KIAA2012: variants seen among roughly 807,000 people sequenced by gnomAD.
KIAA2012 encodes the protein uncharacterized protein KIAA2012.
KIAA2012 carries 125 observed loss-of-function variants against 150.6 expected under a neutral mutation model. The ratio of observed to expected loss-of-function variants is 0.83; its 90% CI spans 0.72 to 0.96. KIAA2012 has a LOEUF of 0.96. Among genes scored for constraint, KIAA2012 ranks in the 40% least tolerant of loss-of-function variants. The probability of loss-of-function intolerance (pLI) is 0.00; values close to 1 mark genes in which losing one functional copy is unlikely to be tolerated. For missense variants in KIAA2012, 1,219 were observed against 1,354.9 expected, an observed-to-expected ratio of 0.90 and a Z score of 1.57; for synonymous variants, 462 against 504.7, an observed-to-expected ratio of 0.92 and a Z score of 1.13.
chr2:202,134,509 C>T (rs934062686), intron 12 of KIAA2012, among the ~76,000 whole-genome samples: 8 of 152,318 alleles, frequency 5.3e-5, no homozygotes, highest in Admixed American at 4.6e-4. Flanking sequence ...CATACCAAGG[C>T]AAATATGCAT....
chr2:202,132,764 A>ATAGTATATATGTATATATG (rs1559215475), intron 12 of KIAA2012, among the ~76,000 whole-genome samples: 118 of 110,680 alleles, frequency 1.1e-3, no homozygotes, highest in Admixed American at 7.6e-3. Context: ...ATGTATATAT[A>ATAGTATATATGTATATATG]TACATATATA....
At chr2:202,204,126 G>A (rs1213642651) in intron 23 of KIAA2012, among the ~76,000 whole-genome samples, 1 of 149,614 alleles carries the variant, frequency 6.7e-6, no homozygotes, top group African/African-American at 2.5e-5. Context: ...GTCCAAACTA[G>A]AGTGCAGTGG....
At chr2:202,087,998 C>CA (rs527244781) in intron 2 of KIAA2012, among the ~76,000 whole-genome samples, 18,283 of 129,694 alleles carry the variant, frequency 0.14, 1,265 homozygotes, top group African/African-American at 0.21. Flanking sequence ...CAATCCAAAC[C>CA]AAAAAAAAAA....
chr2:202,128,442 T>G (rs1395126922), intron 12 of KIAA2012, among the ~76,000 whole-genome samples: 10 of 41,748 alleles, frequency 2.4e-4, no homozygotes, highest in African/African-American at 1.6e-3. Flanking sequence ...TTTGGGGGTT[T>G]TTTTTTTTTG....
intron 12 of KIAA2012, among the ~76,000 whole-genome samples, chr2:202,131,384 A>G (rs1473794027): frequency 6.6e-6 from 1 of 151,706 alleles, no homozygotes; most frequent in Non-Finnish European, 1.5e-5. Flanking sequence ...CAGGTGATCC[A>G]CCTGCCTCAG....
chr2:202,165,434 A>G, intron 15 of KIAA2012, 78 bp downstream of exon 15: 1 of 1,412,074 alleles, frequency 7.1e-7, no homozygotes, highest in Non-Finnish European at 9.8e-7. Flanking sequence ...AAAGATGTTA[A>G]TGGGAGGCCA....
intron 10 of KIAA2012, 90 bp from the exon 11 acceptor site, chr2:202,113,246 G>A (rs146399277): frequency 2.6e-5 from 25 of 945,646 alleles, no homozygotes; most frequent in African/African-American, 6.5e-5. Context: ...GTGTGTGCCC[G>A]CGGGGGACCA....
intron 2 of KIAA2012, among the ~76,000 whole-genome samples, chr2:202,082,678 A>G (rs895952673): frequency 7.9e-5 from 12 of 151,946 alleles, no homozygotes; most frequent in African/African-American, 2.9e-4. Flanking sequence ...TTTTGATATC[A>G]TATTCAAAAA....
intron 22 of KIAA2012, chr2:202,201,420 AAGT>A: frequency 6.3e-7 from 1 of 1,591,672 alleles, no homozygotes; most frequent in African/African-American, 1.3e-5. Context: ...ACCCATGAAG[AAGT>A]TCCCCTTCCA....
At chr2:202,160,299 AT>A (rs1405732098) in intron 14 of KIAA2012, among the ~76,000 whole-genome samples, 1 of 142,576 alleles carries the variant, frequency 7.0e-6, no homozygotes, top group Non-Finnish European at 1.5e-5. Context: ...ATACTTTATG[AT>A]TTTTCATAAG....
chr2:202,131,832 A>C (rs1690936817), intron 12 of KIAA2012, among the ~76,000 whole-genome samples: 1 of 152,178 alleles, frequency 6.6e-6, no homozygotes, highest in Non-Finnish European at 1.5e-5. Flanking sequence ...GGAGTGATGA[A>C]AAATGCACCT....
chr2:202,147,551 C>T (rs1037068284), intron 13 of KIAA2012, among the ~76,000 whole-genome samples: 3 of 152,210 alleles, frequency 2.0e-5, no homozygotes, highest in Non-Finnish European at 4.4e-5. Flanking sequence ...CTTCTTCCAG[C>T]CTTCTGCTGT....
chr2:202,199,085 A>T (rs1692465509), intron 22 of KIAA2012, among the ~76,000 whole-genome samples: 1 of 152,240 alleles, frequency 6.6e-6, no homozygotes, highest in Non-Finnish European at 1.5e-5. Flanking sequence ...ACGGTCATCC[A>T]AGAGAAATCT....
intron 18 of KIAA2012, among the ~76,000 whole-genome samples, chr2:202,189,395 A>G (rs572827145): frequency 1.3e-4 from 19 of 151,502 alleles, no homozygotes; most frequent in African/African-American, 4.6e-4. Context: ...GGGTTCAAGC[A>G]ATTCTTCTGC....
At chr2:202,146,899 T>C (rs1691314227) in intron 13 of KIAA2012, among the ~76,000 whole-genome samples, 1 of 152,196 alleles carries the variant, frequency 6.6e-6, no homozygotes, top group South Asian at 2.1e-4. Context: ...CCTCATAGGG[T>C]AATAATATTT....
At chr2:202,126,467 C>T (rs1248186133) in intron 12 of KIAA2012, among the ~76,000 whole-genome samples, 2 of 152,142 alleles carry the variant, frequency 1.3e-5, no homozygotes, top group African/African-American at 4.8e-5. Context: ...GGGAGTCTGG[C>T]CCTCTGCATT....
Position 202,093,140 on chromosome 2 carries a change from G to A in KIAA2012, c.640G>A (p.Val214Ile). The change falls in exon 4 of 24, where the codon GTC becomes ATC. Residue 214 changes from valine (V) to isoleucine (I), a missense_variant. Transcript: ENST00000498697. ...GVPPKYHLLP[V>I]FPSFWIQQGK... is the part of the protein sequence containing the mutation. ...ACCCCCAAAATACCATCTCCTGCCT[G>A]TCTTCCCTTCATTTTGGATTCAACA... is the stretch of plus-strand genomic sequence containing the variant. The A allele has an allele frequency of 6.4e-7, 1 of 1,551,198 alleles. No individual in the cohort carries two copies. Among genetic ancestry groups the A allele is most frequent in the Middle Eastern group, 1.7e-4 (1 of 5,998 alleles).
At chr2:202,085,583 C>T (rs1689547443) in intron 2 of KIAA2012, among the ~76,000 whole-genome samples, 1 of 152,160 alleles carries the variant, frequency 6.6e-6, no homozygotes. Context: ...ATAGAAGGAA[C>T]TCAGGCCTGT....
At chr2:202,200,795 C>T (rs1692505106) in intron 22 of KIAA2012, among the ~76,000 whole-genome samples, 3 of 148,080 alleles carry the variant, frequency 2.0e-5, no homozygotes, top group African/African-American at 7.5e-5. Flanking sequence ...CAACCTCCGC[C>T]TGCCAGATTC....
Sources: allele counts gnomAD v4.1 joint callset (sites outside exome capture counted in the v4.1 genomes callset), GRCh38; gene constraint gnomAD v4.1.1; transcripts MANE v1.5; gene names NCBI Gene and HGNC (gene_info 2026-07-23, HGNC 2026-07-21).